PAMR1: variants seen among roughly 807,000 people sequenced by gnomAD.
PAMR1 encodes inactive serine protease PAMR1.
Under a neutral mutation model 81.8 loss-of-function variants are expected in PAMR1, and 88 were observed. The ratio of observed to expected loss-of-function variants is 1.08; its 90% CI spans 0.91 to 1.28. PAMR1 has a LOEUF of 1.28. PAMR1 is among the 50% of genes most tolerant of loss of function. PAMR1 has a pLI of 0.00. For synonymous variants in PAMR1, 336 were observed against 345.3 expected (o/e 0.97, Z 0.30); for missense variants, 935 against 919.7 (o/e 1.02, Z -0.21).
At chr11:35,449,514 T>A (rs933088602) in intron 6 of PAMR1, among the ~76,000 whole-genome samples, 7 of 152,196 alleles carry the variant, frequency 4.6e-5, no homozygotes, top group Non-Finnish European at 1.0e-4. Context: ...CCACAGCTAC[T>A]GTGCTGCACT....
At chr11:35,491,963 A>C in intron 3 of PAMR1, 82 bp downstream of exon 3, 5 of 1,255,566 alleles carry the variant, frequency 4.0e-6, no homozygotes, top group East Asian at 2.7e-5. Context: ...TCAGATTCCA[A>C]GGAGATAAAT....
At chr11:35,453,407 G>T (rs1245757595) in intron 6 of PAMR1, 1 of 152,128 alleles carries the variant, frequency 6.6e-6, no homozygotes, top group Non-Finnish European at 1.5e-5. Flanking sequence ...GCCAACCACG[G>T]TGTCTGTACA....
intron 1 of PAMR1, among the ~76,000 whole-genome samples, chr11:35,507,736 T>C (rs1850991786): frequency 6.6e-6 from 1 of 152,176 alleles, no homozygotes; most frequent in African/African-American, 2.4e-5. Context: ...TCTGTATGGC[T>C]TGTTTTATTT....
At chr11:35,443,457 G>A (rs1856222949) in intron 6 of PAMR1, among the ~76,000 whole-genome samples, 1 of 152,142 alleles carries the variant, frequency 6.6e-6, no homozygotes, top group Non-Finnish European at 1.5e-5. Flanking sequence ...AGAACATCCA[G>A]TGTTTCGTTT....
intron 1 of PAMR1, among the ~76,000 whole-genome samples, chr11:35,511,219 G>A (rs778688694): frequency 9.2e-5 from 14 of 152,308 alleles, no homozygotes; most frequent in Non-Finnish European, 7.4e-5. Context: ...ATACTGGTCC[G>A]TTTCTACTGC....
At chr11:35,526,511 C>T (rs568378433), upstream of PAMR1, among the ~76,000 whole-genome samples, 18 of 152,320 alleles carry the variant, frequency 1.2e-4, no homozygotes, top group Admixed American at 8.5e-4. Context: ...TCCTCCGTGC[C>T]AGGTGTCATG....
intron 7 of PAMR1, among the ~76,000 whole-genome samples, chr11:35,440,683 G>A (rs1315358445): frequency 1.3e-5 from 2 of 152,154 alleles, no homozygotes; most frequent in Non-Finnish European, 2.9e-5. Context: ...ACTGCCAATG[G>A]GGAAGGTTCA....
chr11:35,440,780 T>A (rs528728213), intron 7 of PAMR1, among the ~76,000 whole-genome samples: 2 of 152,336 alleles, frequency 1.3e-5, no homozygotes, highest in African/African-American at 4.8e-5. Context: ...ACTTTGAGTT[T>A]ACCATGATGA....
intron 1 of PAMR1, among the ~76,000 whole-genome samples, chr11:35,517,109 A>G (rs1373434158): frequency 6.6e-6 from 1 of 152,202 alleles, no homozygotes; most frequent in Non-Finnish European, 1.5e-5. Flanking sequence ...TCACTCCCCC[A>G]GACTGCCACA....
intron 3 of PAMR1, among the ~76,000 whole-genome samples, chr11:35,486,394 C>T (rs369617157): frequency 4.6e-5 from 7 of 152,362 alleles, no homozygotes; most frequent in South Asian, 4.1e-4. Flanking sequence ...CTCTCTAAAG[C>T]GCAAGCTCTA....
intron 1 of PAMR1, among the ~76,000 whole-genome samples, chr11:35,520,448 C>G (rs1851250681): frequency 1.3e-5 from 2 of 152,154 alleles, no homozygotes; most frequent in South Asian, 4.1e-4. Context: ...AAGCTCTCGC[C>G]CAGGTGTTGA....
At chr11:35,454,974 T>C (rs1856498247) in intron 6 of PAMR1, among the ~76,000 whole-genome samples, 1 of 152,250 alleles carries the variant, frequency 6.6e-6, no homozygotes, top group Admixed American at 6.5e-5. Context: ...GATTTGGTGC[T>C]GTCTGTGTAA....
At chr11:35,507,856 A>G (rs1850997277) in intron 1 of PAMR1, among the ~76,000 whole-genome samples, 1 of 150,578 alleles carries the variant, frequency 6.6e-6, no homozygotes, top group Admixed American at 6.6e-5. Flanking sequence ...TGGTGTCTTA[A>G]GCCCAGATTT....
At chr11:35,518,800 A>C (rs143557987) in intron 1 of PAMR1, among the ~76,000 whole-genome samples, 116 of 152,200 alleles carry the variant, frequency 7.6e-4, no homozygotes, top group African/African-American at 2.5e-3. Context: ...GTTTTTCATT[A>C]AGCTAGCTGG....
intron 4 of PAMR1, 59 bp from the exon 5 acceptor site, chr11:35,470,877 C>T: frequency 2.5e-6 from 3 of 1,219,150 alleles, no homozygotes; most frequent in Admixed American, 1.7e-5. Flanking sequence ...CCTGAGACCG[C>T]TGGGCTCATT....
At chr11:35,466,069 T>C (rs376427106) in intron 6 of PAMR1, among the ~76,000 whole-genome samples, 55 of 148,272 alleles carry the variant, frequency 3.7e-4, no homozygotes, top group African/African-American at 1.3e-3. Flanking sequence ...TTCTTTCCAA[T>C]TCTATTTTTT....
chr11:35,434,932 G>A, intron 9 of PAMR1, 128 bp from the exon 10 acceptor site: 2 of 820,890 alleles, frequency 2.4e-6, no homozygotes, highest in South Asian at 1.8e-5. Context: ...ACTAAGATAA[G>A]TAACCCAGTT....
At chr11:35,479,651 C>T (rs780004955) in intron 3 of PAMR1, among the ~76,000 whole-genome samples, 2 of 152,132 alleles carry the variant, frequency 1.3e-5, no homozygotes, top group Non-Finnish European at 2.9e-5. Context: ...TTTAGCATCC[C>T]AGACAGTGAT....
At chr11:35,509,996 A>G (rs950999931) in intron 1 of PAMR1, among the ~76,000 whole-genome samples, 3 of 152,244 alleles carry the variant, frequency 2.0e-5, no homozygotes, top group Non-Finnish European at 4.4e-5. Context: ...GGATAAACCA[A>G]GGCACTGAGA....
Sources: allele counts gnomAD v4.1 joint callset (sites outside exome capture counted in the v4.1 genomes callset), GRCh38; gene constraint gnomAD v4.1.1; transcripts MANE v1.5; gene names NCBI Gene and HGNC (gene_info 2026-07-23, HGNC 2026-07-21).